Variants in MCM8 observed in about 807,000 individuals in gnomAD.
MCM8 encodes DNA helicase MCM8.
MCM8 carries 85 observed loss-of-function variants against 98.9 expected under a neutral mutation model. The observed-to-expected ratio is 0.86, with a 90% CI of 0.72 to 1.03. The LOEUF (loss-of-function observed/expected upper bound fraction) is 1.03, where lower values mean the gene tolerates loss of function less well. Ranked by LOEUF, MCM8 falls within the 50% of genes least tolerant of loss-of-function variation. The pLI is 0.00. For synonymous variants in MCM8, 352 were observed against 338.6 expected (o/e 1.04, Z -0.44); for missense variants, 951 against 997.8 (o/e 0.95, Z 0.63).
intron 17 of MCM8, among the ~76,000 whole-genome samples, chr20:5,988,374 T>C (rs2122823262): frequency 6.6e-6 from 1 of 151,922 alleles, no homozygotes; most frequent in East Asian, 1.9e-4. Flanking sequence ...AGGCGGGAGA[T>C]TTGCTTGAAC....
chr20:5,977,278 T>G (rs574597486), intron 12 of MCM8, among the ~76,000 whole-genome samples: 1 of 152,224 alleles, frequency 6.6e-6, no homozygotes, highest in Non-Finnish European at 1.5e-5. Flanking sequence ...ATGATTTCAT[T>G]TATTGTTCAG....
intron 10 of MCM8, among the ~76,000 whole-genome samples, chr20:5,970,446 A>G (rs1202218593): frequency 2.0e-5 from 3 of 152,206 alleles, no homozygotes; most frequent in Non-Finnish European, 4.4e-5. Flanking sequence ...CTCCTGGGCC[A>G]GTGGAAAACT....
chr20:5,997,533 T>G lies in MCM8; in HGVS notation c.*3142T>G, dbSNP rs1310939337. On this transcript the variant is annotated 3_prime_UTR_variant, in exon 19 of 19. Coordinates refer to ENST00000610722, the MANE Select transcript of MCM8 (RefSeq NM_032485.6). ...TCTTGCCATGTTGTCCAGTATGGAC[T>G]TGAACTACTCAGCTCAAGCAGTCCT... 1 of 152,522 alleles carries G rather than the reference T, an allele frequency of 6.6e-6. No individual in the cohort carries two copies. Among genetic ancestry groups the G allele is most frequent in the African/African-American group, 2.4e-5 (1 of 41,470 alleles). 9.4% of individuals were successfully genotyped at this position (152,522 alleles called of 1,614,324 possible).
chr20:5,972,845 T>C, intron 11 of MCM8: 1 of 1,343,206 alleles, frequency 7.4e-7, no homozygotes, highest in Middle Eastern at 1.9e-4. Flanking sequence ...ATTTCTAAGA[T>C]AGCTCTGATT....
rs138393496 is a variant in MCM8 at position 5,955,157 on chromosome 20, G to A, written c.392G>A (p.Gly131Asp). 3 of 1,611,654 alleles carry A rather than the reference G, an allele frequency of 1.9e-6. No homozygotes were observed. The highest frequency in any genetic ancestry group is 2.7e-5 in the African/African-American group (2 of 74,878). Residue 131 changes from glycine (G) to aspartate (D), a missense_variant, in exon 5 of 19, where the codon GGT (glycine) becomes GAT (aspartate). Transcript: ENST00000610722. The stretch of plus-strand genomic sequence containing the variant: ...GTAGATTTTAAAGAACTGACAGAAG[G>A]TGGTGAAGTAACTAACTTGATACCA... ...ILVDFKELTEGGEVTNLIPDI... is the reference protein window; with the variant it reads ...ILVDFKELTEDGEVTNLIPDI...
chr20:5,955,070 AATT>A lies in MCM8; in HGVS notation c.337-28_337-26del, dbSNP rs781625885. On this transcript the variant is annotated intron_variant, in intron 4 of 18. Coordinates refer to ENST00000610722, the MANE Select transcript of MCM8 (RefSeq NM_032485.6). ...TAATGGTAATTGACTACAGAAAAGCAATTATTGTTTTCATACTTTTATATTTTA... is the reference window on the plus strand; with the variant it reads ...TAATGGTAATTGACTACAGAAAAGCAATTGTTTTCATACTTTTATATTTTA... 2.0e-6 allele frequency: 3 copies of A among 1,490,408 alleles called. No homozygotes were observed. In the South Asian group the frequency reaches 3.6e-5, roughly 18 times the overall value. The allele number at this position is 1,490,408 out of a possible 1,614,324, so 92.3% of individuals were successfully genotyped here.
At chr20:5,961,251 CTATT>C (rs1268029197) in intron 7 of MCM8, among the ~76,000 whole-genome samples, 1 of 152,078 alleles carries the variant, frequency 6.6e-6, no homozygotes, top group Non-Finnish European at 1.5e-5. Context: ...AGGTGAAAAG[CTATT>C]TATCCTGACA....
In MCM8 at chr20:5,994,965, C is replaced by T. The variant is rs2089935508; in HGVS notation, c.*574C>T. 5.6e-6 allele frequency: 1 copy of T among 180,144 alleles called. No homozygotes were observed. The highest frequency in any genetic ancestry group is 2.4e-5 in the African/African-American group (1 of 41,990). 11.2% of individuals were successfully genotyped at this position (180,144 alleles called of 1,614,324 possible). ...CCATGTGTTAATTGTTAAATAAATT[C>T]TCCAAAGGGCTAAAAGTAAATTACT... On this transcript the variant is annotated 3_prime_UTR_variant, in exon 19 of 19. Transcript: ENST00000610722.
intron 3 of MCM8, among the ~76,000 whole-genome samples, chr20:5,954,339 A>G (rs1307305382): frequency 6.6e-6 from 1 of 152,178 alleles, no homozygotes; most frequent in Non-Finnish European, 1.5e-5. Context: ...AACATGTCCT[A>G]TTAGGTGTCA....
chr20:5,990,557 C>G (rs1227155124), intron 17 of MCM8, among the ~76,000 whole-genome samples: 1 of 152,150 alleles, frequency 6.6e-6, no homozygotes, highest in African/African-American at 2.4e-5. Context: ...ATTTACTAGA[C>G]TTTCTCATAC....
chr20:5,979,409 T>C (rs2089584826), intron 13 of MCM8, among the ~76,000 whole-genome samples: 1 of 152,216 alleles, frequency 6.6e-6, no homozygotes, highest in Admixed American at 6.5e-5. Flanking sequence ...TATAATCTCG[T>C]TTCCCTTAAA....
At chr20:5,989,551 A>G (rs925481290) in intron 17 of MCM8, among the ~76,000 whole-genome samples, 16 of 152,162 alleles carry the variant, frequency 1.1e-4, no homozygotes, top group Non-Finnish European at 1.9e-4. Flanking sequence ...ACCCTTTTCA[A>G]AGAATTTTTA....
At chr20:5,972,782 A>G (rs1263163515) in intron 11 of MCM8, 2 of 1,387,244 alleles carry the variant, frequency 1.4e-6, no homozygotes, top group African/African-American at 1.4e-5. Context: ...GCAAAAACAA[A>G]TATTTCTCGT....
In MCM8 at chr20:5,994,478, G is replaced by GACACACACACACACAC. The variant is rs11472210; in HGVS notation, c.*117_*132dup. 6.2e-5 allele frequency: 24 copies of GACACACACACACACAC among 384,454 alleles called. No homozygotes were observed. Among genetic ancestry groups the GACACACACACACACAC allele is most frequent in the African/African-American group, 4.9e-4 (21 of 43,268 alleles). 23.8% of individuals were successfully genotyped at this position (384,454 alleles called of 1,614,324 possible). A position where few individuals can be genotyped will look rare whatever the true frequency, so the allele number is the denominator to read the frequency against. Reference sequence around the variant, plus strand: ...ATATGCGTGCACGCACAGACAGACAGACACACACACACACACACACACACA... The same window carrying GACACACACACACACAC: ...ATATGCGTGCACGCACAGACAGACAGACACACACACACACACACACACACACACACACACACACACA... On this transcript the variant is annotated 3_prime_UTR_variant, in exon 19 of 19. Transcript: ENST00000610722.
chr20:5,969,887 T>G (rs1449067334), intron 10 of MCM8, among the ~76,000 whole-genome samples: 1 of 152,184 alleles, frequency 6.6e-6, no homozygotes, highest in Non-Finnish European at 1.5e-5. Flanking sequence ...CCAAACATCT[T>G]TGGTTCCTCT....
chr20:5,991,176 C>T (rs1225011743), intron 17 of MCM8: 2 of 152,230 alleles, frequency 1.3e-5, no homozygotes, highest in East Asian at 1.9e-4. Flanking sequence ...ATTCACTGGT[C>T]TGTGGACACG....
rs771931710 is a variant in MCM8 at position 5,967,816 on chromosome 20, CTT to C, written c.1028-11_1028-10del. 5.0e-6 allele frequency: 8 copies of C among 1,590,676 alleles called. No homozygotes were observed. The African/African-American group carries it at 8.1e-5, about 16-fold the overall frequency. On this transcript the variant is annotated splice_polypyrimidine_tract_variant and intron_variant, in intron 9 of 18. Transcript: ENST00000610722. ...AAAATACCAACTATTGTATTTAACACTTTTAATTTACAGGTTCTCGAAATAAG... is the reference window on the plus strand; with the variant it reads ...AAAATACCAACTATTGTATTTAACACTTAATTTACAGGTTCTCGAAATAAG...
chr20:5,975,699 T>C (rs1219593065), intron 12 of MCM8, among the ~76,000 whole-genome samples: 1 of 151,866 alleles, frequency 6.6e-6, no homozygotes, highest in Non-Finnish European at 1.5e-5. Context: ...GGTTTCACCA[T>C]GTTAGCGAGG....
chr20:5,977,790 A>G, intron 12 of MCM8, 86 bp from the exon 13 acceptor site: 2 of 1,422,824 alleles, frequency 1.4e-6, no homozygotes, highest in Non-Finnish European at 1.9e-6. Context: ...AATACCTAGC[A>G]TATACCTAAC....
Sources: gnomAD v4.1 joint callset for allele counts (sites outside exome capture counted in the v4.1 genomes callset) on GRCh38, gnomAD v4.1.1 for gene constraint, MANE v1.5 for transcripts, NCBI Gene and HGNC (gene_info 2026-07-23, HGNC 2026-07-21) for gene names.